Variants in PSMA8 observed in about 807,000 individuals in gnomAD.
The protein encoded by PSMA8 is proteasome subunit alpha-type 8.
A neutral mutation model predicts 32.4 loss-of-function variants in PSMA8; 18 were observed. The observed-to-expected ratio is 0.56, with a 90% CI of 0.38 to 0.82. PSMA8 has a LOEUF of 0.82. Among genes scored for constraint, PSMA8 ranks in the 40% least tolerant of loss-of-function variants. The probability of loss-of-function intolerance (pLI) is 0.00; values close to 1 mark genes in which losing one functional copy is unlikely to be tolerated. For synonymous variants in PSMA8, 104 were observed against 98.1 expected, an observed-to-expected ratio of 1.06 and a Z score of -0.36; for missense variants, 298 against 300.7, an observed-to-expected ratio of 0.99 and a Z score of 0.07.
At chr18:26,158,054 G>C (rs1598652987) in intron 3 of PSMA8, 68 bp from the exon 4 acceptor site, 1 of 1,089,286 alleles carries the variant, frequency 9.2e-7, no homozygotes. Flanking sequence ...GGGCAGCAAT[G>C]CTTTATTATT....
intron 4 of PSMA8, among the ~76,000 whole-genome samples, chr18:26,177,707 C>T (rs1002838214): frequency 6.6e-6 from 1 of 152,178 alleles, no homozygotes; most frequent in Non-Finnish European, 1.5e-5. Context: ...AGAAGCCCTT[C>T]TTGCTTAAGA....
chr18:26,152,110 C>A, intron 3 of PSMA8, 128 bp downstream of exon 3: 1 of 561,676 alleles, frequency 1.8e-6, no homozygotes, highest in Non-Finnish European at 2.7e-6. Context: ...TTATTTCTCA[C>A]ACTTACTTTA....
intron 2 of PSMA8, among the ~76,000 whole-genome samples, chr18:26,146,341 CAACTGAGCAAG>C (rs1400233236): frequency 6.6e-6 from 1 of 151,940 alleles, no homozygotes; most frequent in Non-Finnish European, 1.5e-5. Context: ...TCAGCTTGGG[CAACTGAGCAAG>C]ATACTATCTC....
chr18:26,150,006 G>A (rs1385644275), intron 2 of PSMA8, among the ~76,000 whole-genome samples: 2 of 152,282 alleles, frequency 1.3e-5, no homozygotes, highest in East Asian at 3.9e-4. Flanking sequence ...TTGTGGTACA[G>A]GTTGAACACA....
intron 4 of PSMA8, among the ~76,000 whole-genome samples, chr18:26,174,663 A>G (rs1248107698): frequency 8.5e-5 from 13 of 152,204 alleles, no homozygotes; most frequent in Non-Finnish European, 1.5e-4. Flanking sequence ...TCTTGTCAGT[A>G]TGGGCCATAA....
Position 26,187,801 on chromosome 18 carries a change from T to TA in PSMA8, c.661-4510dup, listed in dbSNP as rs201328869. Among the ~76,000 whole-genome samples the TA allele has an allele frequency of 7.6e-3, 1,147 of 151,894 alleles. 6 individuals carry two copies. The highest frequency in any genetic ancestry group is 0.011 in the African/African-American group (443 of 41,442). ...TATGTAAAGTAAACATTATTAGAGC[T>TA]AAAAAAAACCAGATAGATTCCAATA... On this transcript the variant is annotated intron_variant, in intron 6 of 6. Coordinates refer to ENST00000415576, the MANE Select transcript of PSMA8 (RefSeq NM_001025096.2).
At chr18:26,166,489 T>C (rs1486543802) in intron 4 of PSMA8, among the ~76,000 whole-genome samples, 1 of 152,220 alleles carries the variant, frequency 6.6e-6, no homozygotes, top group Non-Finnish European at 1.5e-5. Flanking sequence ...ATGAGTTCTT[T>C]TTGATGAAAC....
At chr18:26,178,618 A>C (rs2055283205) in intron 4 of PSMA8, among the ~76,000 whole-genome samples, 1 of 152,238 alleles carries the variant, frequency 6.6e-6, no homozygotes, top group Non-Finnish European at 1.5e-5. Context: ...AAACAAAAAA[A>C]GGAAAATAAA....
rs116648897 is a variant in PSMA8, at chr18:26,156,504, G to A, written c.355-1618G>A. ...AAAAAAGAATGAAATTCTGTCATTC[G>A]TTATAACGTGAATGAGCCTGGAGGA... On this transcript the variant is annotated intron_variant, in intron 3 of 6. Coordinates refer to ENST00000415576, the MANE Select transcript of PSMA8 (RefSeq NM_001025096.2). Among the ~76,000 whole-genome samples, 533 of 152,052 alleles carry A rather than the reference G, an allele frequency of 3.5e-3. 4 individuals carry two copies. Among genetic ancestry groups the A allele is most frequent in the African/African-American group, 0.012 (509 of 41,496 alleles).
At chr18:26,165,547 G>A (rs2055171490) in intron 4 of PSMA8, among the ~76,000 whole-genome samples, 1 of 151,918 alleles carries the variant, frequency 6.6e-6, no homozygotes. Flanking sequence ...GTAGCTAGAG[G>A]AGAATATAGG....
chr18:26,181,400 G>A (rs895161936), intron 6 of PSMA8, among the ~76,000 whole-genome samples: 2 of 152,010 alleles, frequency 1.3e-5, no homozygotes, highest in South Asian at 4.2e-4. Flanking sequence ...CTCTCCTCAG[G>A]CCTCCTATTG....
At chr18:26,169,795 G>A (rs1412493730) in intron 4 of PSMA8, among the ~76,000 whole-genome samples, 1 of 125,428 alleles carries the variant, frequency 8.0e-6, no homozygotes. Context: ...GCAGTAAGCC[G>A]AGGTCACACC....
At chr18:26,174,676 T>C (rs1468225755) in intron 4 of PSMA8, among the ~76,000 whole-genome samples, 3 of 152,202 alleles carry the variant, frequency 2.0e-5, no homozygotes, top group Admixed American at 1.3e-4. Flanking sequence ...GGCCATAATG[T>C]TTCAAAATGG....
chr18:26,162,308 T>TC (rs1420009354), intron 4 of PSMA8, among the ~76,000 whole-genome samples: 3 of 152,028 alleles, frequency 2.0e-5, no homozygotes, highest in African/African-American at 7.2e-5. Flanking sequence ...CAACTTTCCA[T>TC]CCCCTTTCCC....
intron 1 of PSMA8, among the ~76,000 whole-genome samples, chr18:26,136,146 T>G (rs536886772): frequency 2.6e-5 from 4 of 152,246 alleles, no homozygotes; most frequent in Non-Finnish European, 5.9e-5. Context: ...TTCTACTTCC[T>G]TGTTGATGAT....
intron 6 of PSMA8, among the ~76,000 whole-genome samples, chr18:26,179,612 T>TA (rs1485981559): frequency 1.3e-5 from 2 of 152,140 alleles, no homozygotes; most frequent in African/African-American, 4.8e-5. Flanking sequence ...GACTACAAAA[T>TA]AAAATGTTCA....
At chr18:26,175,364 G>A (rs529720810) in intron 4 of PSMA8, among the ~76,000 whole-genome samples, 22 of 152,332 alleles carry the variant, frequency 1.4e-4, no homozygotes, top group Middle Eastern at 3.4e-3. Context: ...ATGGGGCAGA[G>A]GGAGACATTG....
chr18:26,177,216 TTGA>T (rs1380182096), intron 4 of PSMA8, among the ~76,000 whole-genome samples: 1 of 152,146 alleles, frequency 6.6e-6, no homozygotes, highest in Non-Finnish European at 1.5e-5. Flanking sequence ...TAAAAGACAT[TTGA>T]CAATGTCTTT....
chr18:26,185,230 C>T (rs2055343672), intron 6 of PSMA8, among the ~76,000 whole-genome samples: 1 of 150,500 alleles, frequency 6.6e-6, no homozygotes, highest in Non-Finnish European at 1.5e-5. Flanking sequence ...AGAACAAATG[C>T]TTTTGTCTAT....
Sources: gnomAD v4.1 joint callset for allele counts (sites outside exome capture counted in the v4.1 genomes callset) on GRCh38, gnomAD v4.1.1 for gene constraint, MANE v1.5 for transcripts, NCBI Gene and HGNC (gene_info 2026-07-23, HGNC 2026-07-21) for gene names.